IQCB1: variants seen among roughly 807,000 people sequenced by gnomAD.
The protein encoded by IQCB1 is IQ calmodulin-binding motif-containing protein 1.
IQCB1 carries 56 observed loss-of-function variants against 84.4 expected under a neutral mutation model. That is an observed-to-expected ratio of 0.66 (90% CI 0.54 to 0.83). The LOEUF is 0.83. Ranked by LOEUF, IQCB1 falls within the 40% of genes least tolerant of loss-of-function variation. The pLI, the probability that IQCB1 is intolerant of heterozygous loss-of-function variation, is 0.00. For missense variants in IQCB1, 629 were observed against 682.1 expected, an observed-to-expected ratio of 0.92 and a Z score of 0.87; for synonymous variants, 210 against 234.8, an observed-to-expected ratio of 0.89 and a Z score of 0.96.
chr3:121,826,250 TGC>T, intron 4 of IQCB1, 70 bp from the exon 5 acceptor site: 1 of 1,481,200 alleles, frequency 6.8e-7, no homozygotes, highest in East Asian at 2.3e-5. Flanking sequence ...AGAGACACTG[TGC>T]CTTATTGAGA....
intron 12 of IQCB1, 78 bp downstream of exon 12, chr3:121,788,206 C>T (rs1948812754): frequency 9.4e-6 from 13 of 1,376,418 alleles, no homozygotes; most frequent in African/African-American, 1.4e-5. Context: ...GGCTTTACAA[C>T]AGGTAATTAG....
At chr3:121,795,605 G>A (rs1324393764) in intron 9 of IQCB1, 39 bp from the exon 10 acceptor site, 5 of 1,146,462 alleles carry the variant, frequency 4.4e-6, no homozygotes, top group Non-Finnish European at 6.2e-6. Context: ...TCTCTAGGAA[G>A]GTCTTTAAAA....
chr3:121,802,205 A>G (rs993627442), intron 7 of IQCB1, among the ~76,000 whole-genome samples: 1 of 151,994 alleles, frequency 6.6e-6, no homozygotes, highest in Non-Finnish European at 1.5e-5. Flanking sequence ...GCTTAAGATT[A>G]TTATTTCTTC....
chr3:121,791,221 A>G (rs1948956829), intron 10 of IQCB1, among the ~76,000 whole-genome samples: 1 of 152,154 alleles, frequency 6.6e-6, no homozygotes, highest in African/African-American at 2.4e-5. Flanking sequence ...TTTAAACTGT[A>G]TTCTTAGAAT....
intron 7 of IQCB1, among the ~76,000 whole-genome samples, chr3:121,804,574 A>C (rs1227116179): frequency 6.6e-6 from 1 of 152,244 alleles, no homozygotes; most frequent in East Asian, 1.9e-4. Flanking sequence ...CTGATAAGAA[A>C]GTTGCTGTCA....
At chr3:121,774,959 C>A (rs1948162714) in intron 13 of IQCB1, among the ~76,000 whole-genome samples, 1 of 152,000 alleles carries the variant, frequency 6.6e-6, no homozygotes. Context: ...ATACATGAGG[C>A]CACACAAAAC....
intron 8 of IQCB1, 47 bp from the exon 9 acceptor site, chr3:121,797,274 T>TC: frequency 1.5e-5 from 13 of 867,666 alleles, no homozygotes; most frequent in Non-Finnish European, 2.2e-5. Flanking sequence ...AATAATAAAA[T>TC]ATGATTTTGT....
Position 121,834,878 on chromosome 3 carries a change from T to C in IQCB1, c.-102+88A>G, listed in dbSNP as rs953079221. ...CCGTTAAGAGCTCTTACAAGCCGGCTGACTTCGTCCAGGAGCCTGGGGTCC... is the reference window on the plus strand; with the variant it reads ...CCGTTAAGAGCTCTTACAAGCCGGCCGACTTCGTCCAGGAGCCTGGGGTCC... On this transcript the variant is annotated intron_variant, in intron 1 of 14. Transcript: ENST00000310864. 1.1e-5 allele frequency: 3 copies of C among 282,462 alleles called. No homozygotes were observed. In the South Asian group the frequency reaches 1.1e-4, roughly 10 times the overall value. 17.5% of individuals were successfully genotyped at this position (282,462 alleles called of 1,614,324 possible).
At chr3:121,797,730 A>G (rs9839617) in intron 8 of IQCB1, among the ~76,000 whole-genome samples, 37,409 of 151,910 alleles carry the variant, frequency 0.25, 4,951 homozygotes, top group Non-Finnish European at 0.28. Flanking sequence ...GGGCAAATCA[A>G]TAGGTTCCTG....
chr3:121,822,927 A>G (rs1950325957), intron 5 of IQCB1, among the ~76,000 whole-genome samples: 1 of 152,224 alleles, frequency 6.6e-6, no homozygotes, highest in Admixed American at 6.5e-5. Flanking sequence ...AGAAGCAGAA[A>G]AATTTGACCC....
chr3:121,831,427 C>T (rs1289275047), intron 2 of IQCB1, among the ~76,000 whole-genome samples: 1 of 151,974 alleles, frequency 6.6e-6, no homozygotes, highest in Non-Finnish European at 1.5e-5. Context: ...AACATGTTTC[C>T]CTCAGTTTTG....
At chr3:121,833,038 A>G (rs1352979826) in intron 2 of IQCB1, among the ~76,000 whole-genome samples, 1 of 152,224 alleles carries the variant, frequency 6.6e-6, no homozygotes, top group African/African-American at 2.4e-5. Context: ...AGTACAACAT[A>G]GTTCATTTTA....
At chr3:121,817,171 C>G (rs201796540) in intron 5 of IQCB1, among the ~76,000 whole-genome samples, 1 of 152,080 alleles carries the variant, frequency 6.6e-6, no homozygotes, top group East Asian at 1.9e-4. Context: ...GAAAACCAAA[C>G]ACTGCATGTT....
chr3:121,771,254 G>A (rs1455732808), intron 14 of IQCB1, among the ~76,000 whole-genome samples: 5 of 152,118 alleles, frequency 3.3e-5, no homozygotes, highest in African/African-American at 7.2e-5. Flanking sequence ...TTACAGGCGT[G>A]AGCCACCGTG....
chr3:121,812,082 G>A (rs1455730975), intron 5 of IQCB1, among the ~76,000 whole-genome samples: 1 of 152,154 alleles, frequency 6.6e-6, no homozygotes, highest in Non-Finnish European at 1.5e-5. Flanking sequence ...GGAAGGAGGT[G>A]TGAGTAATAT....
At chr3:121,771,642 A>C (rs147519372) in intron 14 of IQCB1, among the ~76,000 whole-genome samples, 119 of 152,274 alleles carry the variant, frequency 7.8e-4, no homozygotes, top group African/African-American at 2.8e-3. Context: ...GGTTTATTTA[A>C]AGAATAGAAA....
intron 10 of IQCB1, among the ~76,000 whole-genome samples, chr3:121,791,239 T>C (rs1435973501): frequency 6.6e-6 from 1 of 152,204 alleles, no homozygotes; most frequent in East Asian, 1.9e-4. Flanking sequence ...AATTAAACTG[T>C]AAACAAATGT....
chr3:121,831,673 G>A (rs750020343), intron 2 of IQCB1, among the ~76,000 whole-genome samples: 1 of 152,174 alleles, frequency 6.6e-6, no homozygotes, highest in Non-Finnish European at 1.5e-5. Flanking sequence ...AGAATTGATT[G>A]CTTGCTTGTT....
chr3:121,829,431 A>G (rs1020138135), intron 2 of IQCB1, among the ~76,000 whole-genome samples: 7 of 152,254 alleles, frequency 4.6e-5, no homozygotes, highest in Non-Finnish European at 1.0e-4. Flanking sequence ...GGTTTCTGCC[A>G]TTCTCTGGTA....
Sources: gnomAD v4.1 joint callset for allele counts (sites outside exome capture counted in the v4.1 genomes callset) on GRCh38, gnomAD v4.1.1 for gene constraint, MANE v1.5 for transcripts, NCBI Gene and HGNC (gene_info 2026-07-23, HGNC 2026-07-21) for gene names.